The following IQCM variants were observed in gnomAD, a reference collection of about 807,000 sequenced individuals.
The protein encoded by IQCM is IQ motif containing M, also known as IQ domain-containing protein M.
Under a neutral mutation model 57.6 loss-of-function variants are expected in IQCM, and 45 were observed. The observed-to-expected ratio is 0.78, with a 90% CI of 0.62 to 1.00. The LOEUF (loss-of-function observed/expected upper bound fraction) is 1.00, where lower values mean the gene tolerates loss of function less well. IQCM is among the 50% of genes least tolerant of loss of function. IQCM has a pLI of 0.00. For synonymous variants in IQCM, 148 were observed against 158.9 expected (o/e 0.93, Z 0.51); for missense variants, 468 against 511.6 (o/e 0.91, Z 0.82).
rs1740486193 is a variant in IQCM, at chr4:149,478,888, C to T, written c.1229-45331G>A. Among the ~76,000 whole-genome samples, 4 of 151,932 alleles carry T rather than the reference C, an allele frequency of 2.6e-5. No individual in the cohort carries two copies. The South Asian group carries it at 6.2e-4, about 24-fold the overall frequency. ...TGTATAGGTTAATGATGACTGAGGA[C>T]ATTTGGATTATATATGCTTATTATT... is the stretch of plus-strand genomic sequence containing the variant. On this transcript the variant is annotated intron_variant, in intron 12 of 13. Transcript: ENST00000636793.
intron 13 of IQCM, among the ~76,000 whole-genome samples, chr4:149,370,103 A>G (rs1730258917): frequency 6.6e-6 from 1 of 152,162 alleles, no homozygotes; most frequent in Non-Finnish European, 1.5e-5. Context: ...TATGTTGCCC[A>G]GGCTGGTCTC....
intron 13 of IQCM, among the ~76,000 whole-genome samples, chr4:149,414,880 A>G (rs1004777281): frequency 3.3e-5 from 5 of 152,068 alleles, no homozygotes; most frequent in African/African-American, 1.2e-4. Flanking sequence ...CAGAGAAAAA[A>G]TATCAGGTAT....
intron 13 of IQCM, among the ~76,000 whole-genome samples, chr4:149,352,899 C>A (rs536883440): frequency 6.6e-6 from 1 of 152,186 alleles, no homozygotes; most frequent in Admixed American, 6.5e-5. Flanking sequence ...GGTAGTATAT[C>A]TTTGCTGTTT....
chr4:149,783,921 A>G (rs1771844446), intron 2 of IQCM, among the ~76,000 whole-genome samples: 1 of 152,172 alleles, frequency 6.6e-6, no homozygotes, highest in African/African-American at 2.4e-5. Context: ...TCTTCCAGCA[A>G]TATGAATGAG....
In IQCM at chr4:149,623,499, T is replaced by C. The variant is rs533883658; in HGVS notation, c.566-2255A>G. Among the ~76,000 whole-genome samples, 266 of 152,300 alleles carry C rather than the reference T, an allele frequency of 1.7e-3. 2 individuals carry two copies. The highest frequency in any genetic ancestry group is 3.0e-3 in the Non-Finnish European group (203 of 68,028). Reference sequence around the variant, plus strand: ...TCCACTAAAATCCTCAAGGTAATCATTCACATACTGATGTATGCTAATGAC... The same window carrying C: ...TCCACTAAAATCCTCAAGGTAATCACTCACATACTGATGTATGCTAATGAC... On this transcript the variant is annotated intron_variant, in intron 7 of 13. Coordinates refer to ENST00000636793, the MANE Select transcript of IQCM (RefSeq NM_001363507.2).
chr4:149,704,746 T>C (rs1243705009), intron 5 of IQCM, among the ~76,000 whole-genome samples: 1 of 151,858 alleles, frequency 6.6e-6, no homozygotes, highest in Non-Finnish European at 1.5e-5. Context: ...TAGAAAACAT[T>C]ATTACTGTGT....
chr4:149,614,984 A>C (rs1339593707), intron 8 of IQCM, among the ~76,000 whole-genome samples: 1 of 151,894 alleles, frequency 6.6e-6, no homozygotes, highest in Non-Finnish European at 1.5e-5. Flanking sequence ...CAGTTATTTC[A>C]CTCTCTTCTG....
chr4:149,771,058 T>C (rs1580255456), intron 2 of IQCM, among the ~76,000 whole-genome samples: 1 of 152,076 alleles, frequency 6.6e-6, no homozygotes, highest in African/African-American at 2.4e-5. Context: ...CATCTCTTTA[T>C]ATGTCCTAAA....
At chr4:149,447,022 T>C (rs1046512563) in intron 12 of IQCM, among the ~76,000 whole-genome samples, 1 of 151,474 alleles carries the variant, frequency 6.6e-6, no homozygotes, top group East Asian at 1.9e-4. Flanking sequence ...CTTCCTTTCC[T>C]GGAGATGATG....
rs145080282 is a variant in IQCM, at chr4:149,374,967, TTGTG to T, written c.1391-22905_1391-22902del. ...GTTCCTTGCCTCTGCCACACTTTCT[TTGTG>T]TGTGTGTGTGTGTGTGTGTGTGTGT... is the stretch of plus-strand genomic sequence containing the variant. On this transcript the variant is annotated intron_variant, in intron 13 of 13. Transcript: ENST00000636793. Among the ~76,000 whole-genome samples, 368 of 125,378 alleles carry T rather than the reference TTGTG, an allele frequency of 2.9e-3. 1 individual carries two copies. The highest frequency in any genetic ancestry group is 0.01 in the South Asian group (36 of 3,548). The allele number at this position is 125,378 out of a possible 152,430, so 82.3% of individuals were successfully genotyped here.
At chr4:149,726,140 A>AAAGAAAGG (rs1302249812) in intron 5 of IQCM, among the ~76,000 whole-genome samples, 1 of 130,744 alleles carries the variant, frequency 7.6e-6, no homozygotes, top group African/African-American at 3.0e-5. Context: ...AGAAAGAAAG[A>AAAGAAAGG]AAAGAAAGAA....
rs1318773713 is a variant in IQCM at position 149,735,455 on chromosome 4, G to A, written c.41C>T (p.Pro14Leu). 2.5e-6 allele frequency: 3 copies of A among 1,186,448 alleles called. No homozygotes were observed. The highest frequency in any genetic ancestry group is 8.5e-5 in the South Asian group (2 of 23,556). 73.5% of individuals were successfully genotyped at this position (1,186,448 alleles called of 1,614,324 possible). A position where few individuals can be genotyped will look rare whatever the true frequency, so the allele number is the denominator to read the frequency against. ...EEAMPEKAKC[P>L]TLEITKQDFF... ...GTCTTGCTTGGTGATCTCTAATGTA[G>A]GACCTAATATACAAACAGAGAAACA... The change falls in exon 4 of 14, where the codon CCT becomes CTT. Residue 14 changes from proline (P) to leucine (L), a missense_variant. Physicochemically the swap from Pro to Leu is moderately conservative, Grantham distance 98. Coordinates refer to ENST00000636793, the MANE Select transcript of IQCM (RefSeq NM_001363507.2).
chr4:149,435,366 C>A (rs1319330479), intron 12 of IQCM, among the ~76,000 whole-genome samples: 1 of 151,954 alleles, frequency 6.6e-6, no homozygotes, highest in African/African-American at 2.4e-5. Context: ...GAAGTCCTGG[C>A]TGTGGTAACA....
At chr4:149,535,042 T>G (rs1180730650) in intron 12 of IQCM, among the ~76,000 whole-genome samples, 1 of 152,066 alleles carries the variant, frequency 6.6e-6, no homozygotes, top group African/African-American at 2.4e-5. Context: ...ATGCATAATG[T>G]ATAATAAAAG....
At chr4:149,776,163 G>A (rs1177627590) in intron 2 of IQCM, among the ~76,000 whole-genome samples, 3 of 151,998 alleles carry the variant, frequency 2.0e-5, no homozygotes, top group Non-Finnish European at 4.4e-5. Flanking sequence ...AATTTAGAAA[G>A]CAAAAGAAAT....
At chr4:149,440,035 C>A (rs1239730905) in intron 12 of IQCM, among the ~76,000 whole-genome samples, 1 of 150,380 alleles carries the variant, frequency 6.6e-6, no homozygotes, top group Non-Finnish European at 1.5e-5. Flanking sequence ...CGGCTCACTG[C>A]AACCTCTGCT....
intron 7 of IQCM, among the ~76,000 whole-genome samples, chr4:149,638,433 C>T (rs1757902392): frequency 6.6e-6 from 1 of 151,678 alleles, no homozygotes; most frequent in African/African-American, 2.4e-5. Context: ...TACATATGCC[C>T]ACACAAATAT....
intron 13 of IQCM, among the ~76,000 whole-genome samples, chr4:149,417,992 A>C (rs1270857466): frequency 6.6e-6 from 1 of 151,814 alleles, no homozygotes. Context: ...TATAGCACTA[A>C]ATGCCCACAT....
intron 7 of IQCM, among the ~76,000 whole-genome samples, chr4:149,674,546 T>C (rs575270034): frequency 6.6e-6 from 1 of 151,886 alleles, no homozygotes; most frequent in Non-Finnish European, 1.5e-5. Context: ...TATGACAGAG[T>C]AGTCAGGGAT....
Sources: gnomAD v4.1 joint callset for allele counts (sites outside exome capture counted in the v4.1 genomes callset) on GRCh38, gnomAD v4.1.1 for gene constraint, MANE v1.5 for transcripts, NCBI Gene and HGNC (gene_info 2026-07-23, HGNC 2026-07-21) for gene names.